The following BRINP1 variants were observed in gnomAD, a reference collection of about 807,000 sequenced individuals.
The protein encoded by BRINP1 is BMP/retinoic acid inducible neural specific 1, also known as BMP/retinoic acid-inducible neural-specific protein 1.
A neutral mutation model predicts 72.9 loss-of-function variants in BRINP1; 17 were observed. The ratio of observed to expected loss-of-function variants is 0.23; its 90% CI spans 0.16 to 0.35. The LOEUF (loss-of-function observed/expected upper bound fraction) is 0.35, where lower values mean the gene tolerates loss of function less well. BRINP1 is among the 10% of genes least tolerant of loss of function. The probability of loss-of-function intolerance (pLI) is 1.00; values close to 1 mark genes in which losing one functional copy is unlikely to be tolerated. For synonymous variants in BRINP1, 418 were observed against 378.5 expected (o/e 1.10, Z -1.21); for missense variants, 850 against 1,001.6 (o/e 0.85, Z 2.04).
Position 119,208,782 on chromosome 9 carries a change from C to G in BRINP1, c.1082G>C (p.Arg361Pro). 1 of 1,614,088 alleles carries G rather than the reference C, an allele frequency of 6.2e-7. No individual in the cohort carries two copies. The change falls in exon 7 of 8, where the codon CGC becomes CCC. Residue 361 changes from arginine to proline, a missense_variant. Transcript: ENST00000265922. The part of the protein sequence containing the change: ...AQRQKIQRTA[R>P]KLFGLSVRCR... ...GCGTACACTGAGGCCGAAAAGCTTG[C>G]GGGCAGTGCGTTGGATCTTTTGTCT...
At chr9:119,194,181 T>A (rs1308769753) in intron 7 of BRINP1, among the ~76,000 whole-genome samples, 1 of 152,188 alleles carries the variant, frequency 6.6e-6, no homozygotes, top group Non-Finnish European at 1.5e-5. Context: ...CCCAGCAACT[T>A]CCAGCATGAA....
chr9:119,169,271 C>T (rs892913186), intron 7 of BRINP1, among the ~76,000 whole-genome samples: 5 of 152,306 alleles, frequency 3.3e-5, no homozygotes, highest in Admixed American at 2.0e-4. Flanking sequence ...ATTGGGTGCA[C>T]GCACCGTGCG....
At chr9:119,279,200 G>C (rs1830685080) in intron 2 of BRINP1, among the ~76,000 whole-genome samples, 1 of 152,190 alleles carries the variant, frequency 6.6e-6, no homozygotes, top group African/African-American at 2.4e-5. Context: ...GAATAAATTA[G>C]AAGGATGAGT....
At position 119,242,030 on chromosome 9, in the gene BRINP1, C is replaced by G. The variant is rs1830255471; in HGVS notation, c.579+17G>C. Reference sequence around the variant, plus strand: ...TGTATTGAGAACCTGTCGCCCAAATCCACCCCGGAGCTGTACCTTGATTGC... The same window carrying G: ...TGTATTGAGAACCTGTCGCCCAAATGCACCCCGGAGCTGTACCTTGATTGC... On this transcript the variant is annotated intron_variant, in intron 4 of 7. Transcript: ENST00000265922. The G allele has an allele frequency of 6.2e-7, 1 of 1,609,474 alleles. No individual in the cohort carries two copies. Among genetic ancestry groups the G allele is most frequent in the Non-Finnish European group, 8.5e-7 (1 of 1,177,998 alleles).
At chr9:119,339,930 A>G (rs956036332) in intron 1 of BRINP1, among the ~76,000 whole-genome samples, 1 of 151,744 alleles carries the variant, frequency 6.6e-6, no homozygotes, top group African/African-American at 2.4e-5. Context: ...ATTAGGCTAC[A>G]CTCACCCACA....
intron 2 of BRINP1, among the ~76,000 whole-genome samples, chr9:119,293,274 A>G (rs1351095799): frequency 6.6e-6 from 1 of 152,038 alleles, no homozygotes; most frequent in Non-Finnish European, 1.5e-5. Context: ...GGAAAAATCT[A>G]GGTTTCTTTT....
chr9:119,293,008 A>AC (rs1476679523), intron 2 of BRINP1, among the ~76,000 whole-genome samples: 2 of 152,170 alleles, frequency 1.3e-5, no homozygotes, highest in Non-Finnish European at 2.9e-5. Flanking sequence ...TATATCGGGC[A>AC]CTTTTTCTGT....
At position 119,296,579 on chromosome 9, in the gene BRINP1, G is replaced by C. The variant is rs183733907; in HGVS notation, c.218+16559C>G. 2.6e-3 allele frequency among the ~76,000 whole-genome samples: 401 copies of C among 152,246 alleles called. 2 individuals are homozygous for C. Among genetic ancestry groups the C allele is most frequent in the Non-Finnish European group, 2.3e-3 (155 of 68,006 alleles). ...TATCTGCATTCTCATGTCCATTGCA[G>C]AGTTTCTCACAATAACCAAAATATG... On this transcript the variant is annotated intron_variant, in intron 2 of 7. Transcript: ENST00000265922.
intron 7 of BRINP1, among the ~76,000 whole-genome samples, chr9:119,174,006 T>G (rs1189206317): frequency 9.4e-6 from 1 of 105,994 alleles, no homozygotes; most frequent in Non-Finnish European, 1.7e-5. Flanking sequence ...ATTAAAGACT[T>G]AAACGTTAGA....
chr9:119,199,169 G>A (rs564730157), intron 7 of BRINP1, among the ~76,000 whole-genome samples: 7 of 152,154 alleles, frequency 4.6e-5, no homozygotes, highest in African/African-American at 1.4e-4. Context: ...TGACAGAGCC[G>A]GGACTGTCAG....
chr9:119,233,814 A>C (rs1188759136), intron 5 of BRINP1, among the ~76,000 whole-genome samples: 1 of 152,062 alleles, frequency 6.6e-6, no homozygotes, highest in Non-Finnish European at 1.5e-5. Context: ...CCTCTCCCTA[A>C]AGGTTAACAC....
At position 119,330,141 on chromosome 9, in the gene BRINP1, T is replaced by G. The variant is rs151318417; in HGVS notation, c.-50-16736A>C. Among the ~76,000 whole-genome samples, 534 of 152,316 alleles carry G rather than the reference T, an allele frequency of 3.5e-3. 5 individuals carry two copies. The highest frequency in any genetic ancestry group is 0.012 in the African/African-American group (494 of 41,574). ...TTTTTTTTAACCTTTTCCACATGTC[T>G]CAGAATTCGAAAAGACACTAGGAGT... On this transcript the variant is annotated intron_variant, in intron 1 of 7. Transcript: ENST00000265922.
chr9:119,300,211 C>T (rs1054203690), intron 2 of BRINP1, among the ~76,000 whole-genome samples: 1 of 152,222 alleles, frequency 6.6e-6, no homozygotes, highest in Non-Finnish European at 1.5e-5. Flanking sequence ...CTTTCCCTTC[C>T]TGCTACTTCA....
intron 1 of BRINP1, among the ~76,000 whole-genome samples, chr9:119,355,983 TATAGAG>T (rs551668051): frequency 3.6e-4 from 55 of 152,288 alleles, no homozygotes; most frequent in Admixed American, 1.9e-3. Context: ...AAAAATTTGG[TATAGAG>T]ATAAAGATAA....
chr9:119,325,672 T>C (rs754946989), intron 1 of BRINP1, among the ~76,000 whole-genome samples: 2 of 152,198 alleles, frequency 1.3e-5, no homozygotes, highest in African/African-American at 4.8e-5. Flanking sequence ...TTCATGTCTG[T>C]CTACCACCTC....
intron 2 of BRINP1, among the ~76,000 whole-genome samples, chr9:119,263,726 G>A (rs1830519278): frequency 7.0e-6 from 1 of 142,496 alleles, no homozygotes; most frequent in African/African-American, 2.6e-5. Context: ...TCCTGCCTCA[G>A]CCTCCCAAGT....
At chr9:119,363,640 T>C (rs1460803604) in intron 1 of BRINP1, among the ~76,000 whole-genome samples, 3 of 152,252 alleles carry the variant, frequency 2.0e-5, no homozygotes, top group Non-Finnish European at 4.4e-5. Flanking sequence ...TCATTGATTA[T>C]TCATCTCGCT....
chr9:119,203,056 A>G (rs1442258360), intron 7 of BRINP1, among the ~76,000 whole-genome samples: 2 of 152,012 alleles, frequency 1.3e-5, no homozygotes, highest in Non-Finnish European at 2.9e-5. Context: ...ACTACAGTAT[A>G]TATATTTCAA....
At chr9:119,246,993 C>A (rs1260436273) in intron 3 of BRINP1, among the ~76,000 whole-genome samples, 2 of 152,276 alleles carry the variant, frequency 1.3e-5, no homozygotes, top group East Asian at 1.9e-4. Context: ...GAATAATTCA[C>A]CACCTTGCCT....
Sources: allele counts gnomAD v4.1 joint callset (sites outside exome capture counted in the v4.1 genomes callset), GRCh38; gene constraint gnomAD v4.1.1; transcripts MANE v1.5; gene names NCBI Gene and HGNC (gene_info 2026-07-23, HGNC 2026-07-21).